The following HADHA variants were observed in gnomAD, a reference collection of about 807,000 sequenced individuals.
The protein encoded by HADHA is trifunctional enzyme subunit alpha, mitochondrial.
A neutral mutation model predicts 91.3 loss-of-function variants in HADHA; 59 were observed. That is an observed-to-expected ratio of 0.65 (90% CI 0.52 to 0.80). HADHA has a LOEUF of 0.80. Ranked by LOEUF, HADHA falls within the 30% of genes least tolerant of loss-of-function variation. The probability of loss-of-function intolerance (pLI) is 0.00; values close to 1 mark genes in which losing one functional copy is unlikely to be tolerated. For synonymous variants in HADHA, 320 were observed against 338.9 expected (o/e 0.94, Z 0.61); for missense variants, 800 against 927.6 (o/e 0.86, Z 1.79).
chr2:26,228,562 T>C (rs1454756307), intron 7 of HADHA, among the ~76,000 whole-genome samples: 1 of 152,146 alleles, frequency 6.6e-6, no homozygotes, highest in Non-Finnish European at 1.5e-5. Context: ...TACAATGGAG[T>C]AACACTCAGC....
In HADHA at chr2:26,191,121, CAG is replaced by C. The variant is rs1558313121; in HGVS notation, c.*127_*128del. 9 of 915,328 alleles carry C rather than the reference CAG, an allele frequency of 9.8e-6. No individual in the cohort carries two copies. The highest frequency in any genetic ancestry group is 3.3e-5 in the African/African-American group (2 of 61,332). The allele number at this position is 915,328 out of a possible 1,614,324, so 56.7% of individuals were successfully genotyped here. A position where few individuals can be genotyped will look rare whatever the true frequency, so the allele number is the denominator to read the frequency against. ...TGGTCTTGGCTGAAGGCACTTTAAT[CAG>C]GGAGCAAACCCAGTGCCGGAGTTTG... On this transcript the variant is annotated 3_prime_UTR_variant, in exon 20 of 20. Coordinates refer to ENST00000380649, the MANE Select transcript of HADHA (RefSeq NM_000182.5).
rs773829713 is a variant in HADHA at position 26,204,119 on chromosome 2, A to G, written c.1163T>C (p.Ile388Thr). 1.2e-6 allele frequency: 2 copies of G among 1,613,844 alleles called. No individual in the cohort carries two copies. Among genetic ancestry groups the G allele is most frequent in the Non-Finnish European group, 1.7e-6 (2 of 1,179,680 alleles). Reference protein sequence around the residue: ...QVSVDKGLKTILKDATLTALD... With the variant: ...QVSVDKGLKTTLKDATLTALD... Reference sequence around the variant, plus strand: ...CGCAGTGAGGGTGGCATCTTTAAGTATAGTCTTTAGCCCCTTATCCACGGA... The same window carrying G: ...CGCAGTGAGGGTGGCATCTTTAAGTGTAGTCTTTAGCCCCTTATCCACGGA... The change falls in exon 12 of 20, where the codon ATA becomes ACA. Residue 388 changes from isoleucine (I) to threonine (T), a missense_variant. By Grantham distance (89) the Ile-to-Thr change is moderately conservative. Transcript: ENST00000380649.
chr2:26,204,098 G>T lies in HADHA; in HGVS notation c.1184C>A (p.Thr395Asn), dbSNP rs778263925. 3.1e-6 allele frequency: 5 copies of T among 1,613,936 alleles called. No homozygotes were observed. Among genetic ancestry groups the T allele is most frequent in the Non-Finnish European group, 4.2e-6 (5 of 1,179,746 alleles). Reference protein sequence around the residue: ...LKTILKDATLTALDRGQQQVF... With the variant: ...LKTILKDATLNALDRGQQQVF... ...TTGTTGCTGTCCTCGGTCTAGCGCA[G>T]TGAGGGTGGCATCTTTAAGTATAGT... The change falls in exon 12 of 20, where the codon ACT becomes AAT. Residue 395 changes from threonine to asparagine, a missense_variant. Physicochemically the swap from Thr to Asn is moderately conservative, Grantham distance 65. Coordinates refer to ENST00000380649, the MANE Select transcript of HADHA (RefSeq NM_000182.5).
rs1669580304 is a variant in HADHA, at chr2:26,193,735, G to C, written c.1727C>G (p.Thr576Arg). 1 of 1,614,186 alleles carries C rather than the reference G, an allele frequency of 6.2e-7. No individual in the cohort carries two copies. The highest frequency in any genetic ancestry group is 8.5e-7 in the Non-Finnish European group (1 of 1,180,028). The change falls in exon 17 of 20, where the codon ACA becomes AGA. Residue 576 changes from threonine (T) to arginine (R), a missense_variant. By Grantham distance (71) the Thr-to-Arg change is moderately conservative. Transcript: ENST00000380649. ...GGCACCCACAGGAAAGCCAAAGCTTGTGGTCAGGGAATCCAGCTTCTTCGG... is the reference window on the plus strand; with the variant it reads ...GGCACCCACAGGAAAGCCAAAGCTTCTGGTCAGGGAATCCAGCTTCTTCGG... ...VDPKKLDSLT[T>R]SFGFPVGAAT...
chr2:26,218,182 T>C (rs1207536078), intron 7 of HADHA, among the ~76,000 whole-genome samples: 1 of 151,764 alleles, frequency 6.6e-6, no homozygotes, highest in African/African-American at 2.4e-5. Context: ...TGACTGTAAT[T>C]CCAGCTATCC....
chr2:26,207,821 C>T (rs777320662), intron 11 of HADHA, among the ~76,000 whole-genome samples: 7 of 151,922 alleles, frequency 4.6e-5, no homozygotes, highest in South Asian at 2.1e-4. Context: ...TGATGGAATG[C>T]GTTATTCATA....
intron 11 of HADHA, among the ~76,000 whole-genome samples, chr2:26,207,244 A>C (rs1283483521): frequency 1.3e-5 from 2 of 152,054 alleles, no homozygotes; most frequent in African/African-American, 4.8e-5. Flanking sequence ...AAATCCCATA[A>C]ACACAAAAGA....
At chr2:26,228,640 G>C (rs182559835) in intron 7 of HADHA, among the ~76,000 whole-genome samples, 2 of 152,182 alleles carry the variant, frequency 1.3e-5, no homozygotes, top group African/African-American at 4.8e-5. Context: ...CTAAGTGAAC[G>C]AAGATTAAAA....
At chr2:26,206,907 A>G (rs1376109916) in intron 11 of HADHA, among the ~76,000 whole-genome samples, 1 of 152,166 alleles carries the variant, frequency 6.6e-6, no homozygotes, top group Non-Finnish European at 1.5e-5. Context: ...AAAACATACC[A>G]TAAGTATAGG....
At chr2:26,234,880 TG>T (rs1670710293) in intron 4 of HADHA, among the ~76,000 whole-genome samples, 1 of 152,208 alleles carries the variant, frequency 6.6e-6, no homozygotes, top group Non-Finnish European at 1.5e-5. Flanking sequence ...AAATCATCTT[TG>T]GTAAATTACT....
chr2:26,207,050 G>T (rs1669986988), intron 11 of HADHA, among the ~76,000 whole-genome samples: 1 of 152,114 alleles, frequency 6.6e-6, no homozygotes, highest in Admixed American at 6.5e-5. Flanking sequence ...ATTTGAAAAT[G>T]AGCCGGGTGT....
intron 1 of HADHA, among the ~76,000 whole-genome samples, chr2:26,240,072 T>G (rs1268444583): frequency 5.3e-5 from 8 of 152,212 alleles, no homozygotes; most frequent in African/African-American, 7.2e-5. Context: ...GACTCCACTC[T>G]TTTCCACAAA....
At chr2:26,196,994 G>A (rs1051246754) in intron 14 of HADHA, among the ~76,000 whole-genome samples, 3 of 152,178 alleles carry the variant, frequency 2.0e-5, no homozygotes, top group African/African-American at 7.2e-5. Context: ...TAGAAGAGTA[G>A]GAATAAATAG....
Position 26,193,763 on chromosome 2 carries a change from C to T in HADHA, c.1699G>A (p.Asp567Asn). Residue 567 changes from aspartate to asparagine, a missense_variant, in exon 17 of 20, where the codon GAC becomes AAC. Asp to Asn is a conservative substitution (Grantham distance 23). Coordinates refer to ENST00000380649, the MANE Select transcript of HADHA (RefSeq NM_000182.5). The stretch of plus-strand genomic sequence containing the variant: ...GTCAGGGAATCCAGCTTCTTCGGGT[C>T]AACTCCTTCCTGAACAGGAAGCGAT... ...EVIRILQEGV[D>N]PKKLDSLTTS... 1.9e-6 allele frequency: 3 copies of T among 1,614,068 alleles called. No homozygotes were observed. Among genetic ancestry groups the T allele is most frequent in the Non-Finnish European group, 2.5e-6 (3 of 1,179,938 alleles).
chr2:26,190,905 T>C lies in HADHA; in HGVS notation c.*345A>G. On this transcript the variant is annotated 3_prime_UTR_variant, in exon 20 of 20. Coordinates refer to ENST00000380649, the MANE Select transcript of HADHA (RefSeq NM_000182.5). ...AGTTTGGTTTTTATTGTTATGTGTT[T>C]GGCTGGGTGCAGAACTGCCCTCACC... 2.4e-6 allele frequency: 1 copy of C among 420,212 alleles called. No homozygotes were observed. The highest frequency in any genetic ancestry group is 4.4e-6 in the Non-Finnish European group (1 of 227,130). The allele number at this position is 420,212 out of a possible 1,614,324, so 26.0% of individuals were successfully genotyped here.
intron 11 of HADHA, among the ~76,000 whole-genome samples, chr2:26,208,207 T>C (rs931898403): frequency 1.3e-5 from 2 of 152,204 alleles, no homozygotes; most frequent in Non-Finnish European, 2.9e-5. Context: ...AGTTCTGTTA[T>C]AGTCTTCTTC....
chr2:26,215,228 G>C, intron 7 of HADHA, 53 bp from the exon 8 acceptor site: 2 of 1,588,420 alleles, frequency 1.3e-6, no homozygotes, highest in Non-Finnish European at 1.7e-6. Flanking sequence ...ACCAGTCCCA[G>C]GTAGTGAAAA....
chr2:26,220,532 G>C (rs1670349967), intron 7 of HADHA, among the ~76,000 whole-genome samples: 1 of 152,204 alleles, frequency 6.6e-6, no homozygotes, highest in Non-Finnish European at 1.5e-5. Context: ...AAAACAGATG[G>C]ATCCTATAGA....
chr2:26,201,857 T>C (rs10165339), intron 12 of HADHA, among the ~76,000 whole-genome samples: 125,769 of 151,808 alleles, frequency 0.83, 52,582 homozygotes, highest in African/African-American at 0.96. Flanking sequence ...TGCAGTGGCG[T>C]GATCTCAGCT....
Sources: gnomAD v4.1 joint callset for allele counts (sites outside exome capture counted in the v4.1 genomes callset) on GRCh38, gnomAD v4.1.1 for gene constraint, MANE v1.5 for transcripts, NCBI Gene and HGNC (gene_info 2026-07-23, HGNC 2026-07-21) for gene names.